TLE4: variants seen among roughly 807,000 people sequenced by gnomAD.
TLE4 encodes TLE family member 4, transcriptional corepressor, also known as transducin-like enhancer protein 4.
Under a neutral mutation model 92.8 loss-of-function variants are expected in TLE4, and 8 were observed. The ratio of observed to expected loss-of-function variants is 0.09; its 90% CI spans 0.05 to 0.16. The LOEUF is 0.16. TLE4 is among the 10% of genes least tolerant of loss of function. The probability of loss-of-function intolerance (pLI) is 1.00; values close to 1 mark genes in which losing one functional copy is unlikely to be tolerated. For missense variants in TLE4, 675 were observed against 997.6 expected, an observed-to-expected ratio of 0.68 and a Z score of 4.36; for synonymous variants, 371 against 374.1, an observed-to-expected ratio of 0.99 and a Z score of 0.10.
Position 79,594,172 on chromosome 9 carries a change from A to G in TLE4, c.252+17995A>G, listed in dbSNP as rs931807458. Among the ~76,000 whole-genome samples, 4 of 152,228 alleles carry G rather than the reference A, an allele frequency of 2.6e-5. No individual in the cohort carries two copies. In the South Asian group the frequency reaches 8.3e-4, roughly 32 times the overall value. ...CTAGAGCAGTGCTGCTCAAAATTCA[A>G]TGTGCATACAAATCACTGAAATCAG... On this transcript the variant is annotated intron_variant, in intron 4 of 19. Coordinates refer to ENST00000376552, the MANE Select transcript of TLE4 (RefSeq NM_007005.6).
At chr9:79,651,897 TACTC>T (rs1272482331) in intron 6 of TLE4, among the ~76,000 whole-genome samples, 2 of 152,216 alleles carry the variant, frequency 1.3e-5, no homozygotes, top group Non-Finnish European at 2.9e-5. Context: ...CTTTAACAGT[TACTC>T]ACGTATATGT....
intron 6 of TLE4, among the ~76,000 whole-genome samples, chr9:79,631,746 C>A (rs1424376700): frequency 6.7e-6 from 1 of 149,934 alleles, no homozygotes; most frequent in Admixed American, 6.7e-5. Flanking sequence ...TTATAGATTT[C>A]AAAACTGCCA....
At chr9:79,646,184 G>A (rs2058081757) in intron 6 of TLE4, among the ~76,000 whole-genome samples, 1 of 151,620 alleles carries the variant, frequency 6.6e-6, no homozygotes, top group South Asian at 2.1e-4. Flanking sequence ...CTTCCTTTTG[G>A]TCTTTAAAAA....
At chr9:79,709,327 C>T (rs939410628) in intron 13 of TLE4, among the ~76,000 whole-genome samples, 14 of 152,058 alleles carry the variant, frequency 9.2e-5, no homozygotes, top group African/African-American at 3.4e-4. Context: ...ATTTTGGAAA[C>T]TTCAAACCTA....
intron 6 of TLE4, among the ~76,000 whole-genome samples, chr9:79,632,866 A>C (rs566287974): frequency 1.3e-3 from 193 of 152,280 alleles, no homozygotes; most frequent in Non-Finnish European, 1.6e-3. Context: ...CATGCTGGCC[A>C]CTGTCTGTGT....
At chr9:79,698,881 A>ATATT (rs2068980300) in intron 8 of TLE4, among the ~76,000 whole-genome samples, 2 of 149,028 alleles carry the variant, frequency 1.3e-5, no homozygotes, top group African/African-American at 4.9e-5. Flanking sequence ...ACATATATAT[A>ATATT]TATATATGTA....
intron 4 of TLE4, among the ~76,000 whole-genome samples, chr9:79,589,540 C>T (rs992415047): frequency 1.4e-4 from 22 of 151,962 alleles, no homozygotes; most frequent in Admixed American, 1.1e-3. Flanking sequence ...GCTACTACTG[C>T]GCAAGGCAGA....
At chr9:79,656,236 A>G (rs74592341) in intron 8 of TLE4, among the ~76,000 whole-genome samples, 3,619 of 152,232 alleles carry the variant, frequency 0.024, 147 homozygotes, top group African/African-American at 0.081. Flanking sequence ...TCGTCCTCCC[A>G]TAAGTGGTTC....
chr9:79,693,673 T>C (rs540965067), intron 8 of TLE4: 1 of 517,588 alleles, frequency 1.9e-6, no homozygotes, highest in African/African-American at 1.9e-5. Context: ...ACCTCTGCTT[T>C]GAGTTATTTT....
At chr9:79,718,997 T>G (rs1225071153) in intron 15 of TLE4, 26 bp downstream of exon 15, 1 of 1,587,686 alleles carries the variant, frequency 6.3e-7, no homozygotes, top group African/African-American at 1.3e-5. Context: ...TGAACAAGAC[T>G]TAGACTTTCA....
chr9:79,625,146 A>G (rs2052234624), intron 5 of TLE4, among the ~76,000 whole-genome samples: 1 of 144,520 alleles, frequency 6.9e-6, no homozygotes, highest in African/African-American at 2.6e-5. Context: ...CAGCCTCCCA[A>G]GTAGCTGGGA....
At chr9:79,673,682 T>C (rs1737159762) in intron 8 of TLE4, among the ~76,000 whole-genome samples, 1 of 152,222 alleles carries the variant, frequency 6.6e-6, no homozygotes, top group South Asian at 2.1e-4. Flanking sequence ...TAAAAAGTTT[T>C]TCTTGCATTT....
chr9:79,624,111 T>G (rs553585619), intron 5 of TLE4, among the ~76,000 whole-genome samples: 1 of 149,294 alleles, frequency 6.7e-6, no homozygotes, highest in Admixed American at 6.7e-5. Context: ...CTCATAGTTC[T>G]AAGAAGATGT....
rs938289948 is a variant in TLE4 at position 79,701,877 on chromosome 9, C to G, written c.610-2906C>G. Among the ~76,000 whole-genome samples, 7 of 152,158 alleles carry G rather than the reference C, an allele frequency of 4.6e-5. No homozygotes were observed. In the East Asian group the frequency reaches 7.7e-4, roughly 17 times the overall value. Reference sequence around the variant, plus strand: ...GCCCCACCCTCAGGGAACCCACAGCCTAAAGTGGGAAGTGGCCTTGTAAAC... The same window carrying G: ...GCCCCACCCTCAGGGAACCCACAGCGTAAAGTGGGAAGTGGCCTTGTAAAC... On this transcript the variant is annotated intron_variant, in intron 8 of 19. Coordinates refer to ENST00000376552, the MANE Select transcript of TLE4 (RefSeq NM_007005.6).
rs532336820 is a variant in TLE4 at position 79,619,899 on chromosome 9, G to A, written c.315+7181G>A. Among the ~76,000 whole-genome samples, 53 of 152,292 alleles carry A rather than the reference G, an allele frequency of 3.5e-4. 1 individual carries two copies. In the South Asian group the frequency reaches 1.0e-2, roughly 29 times the overall value. ...AATACTGAATGAGCCATCAGAGAGC[G>A]TAATTCTGTCCCATATTCCGTGGTT... On this transcript the variant is annotated intron_variant, in intron 5 of 19. Transcript: ENST00000376552.
At chr9:79,617,835 A>AG in intron 5 of TLE4, among the ~76,000 whole-genome samples, 1 of 62,220 alleles carries the variant, frequency 1.6e-5, no homozygotes, top group East Asian at 3.0e-4. Context: ...TTTTTCAAGG[A>AG]AAAAAAAAAA....
At chr9:79,723,771 A>G (rs1173663052) in intron 19 of TLE4, among the ~76,000 whole-genome samples, 3 of 152,242 alleles carry the variant, frequency 2.0e-5, no homozygotes, top group African/African-American at 7.2e-5. Context: ...CGAATCCAAA[A>G]TAGTATGCAA....
chr9:79,606,187 G>GGTTTTTTTTTTTTTTT (rs2046832468), intron 4 of TLE4, among the ~76,000 whole-genome samples: 1 of 28,674 alleles, frequency 3.5e-5, no homozygotes, highest in African/African-American at 1.3e-4. Context: ...AGTAGTAGTT[G>GGTTTTTTTTTTTTTTT]TTTTTTTTTT....
intron 6 of TLE4, among the ~76,000 whole-genome samples, chr9:79,651,031 A>ATCTGTCTCTCTC (rs2058870963): frequency 7.2e-6 from 1 of 138,744 alleles, no homozygotes; most frequent in Non-Finnish European, 1.5e-5. Context: ...GGAATGATCG[A>ATCTGTCTCTCTC]TCTCTCTCTC....
Sources: allele counts gnomAD v4.1 joint callset (sites outside exome capture counted in the v4.1 genomes callset), GRCh38; gene constraint gnomAD v4.1.1; transcripts MANE v1.5; gene names NCBI Gene and HGNC (gene_info 2026-07-23, HGNC 2026-07-21).